FARS2: variants seen among roughly 807,000 people sequenced by gnomAD.
The protein encoded by FARS2 is phenylalanyl-tRNA synthetase 2, mitochondrial.
Under a neutral mutation model 46.4 loss-of-function variants are expected in FARS2, and 40 were observed. The observed-to-expected ratio is 0.86, with a 90% confidence interval of 0.67 to 1.12. The LOEUF (loss-of-function observed/expected upper bound fraction) is 1.12, where lower values mean the gene tolerates loss of function less well. Among genes scored for constraint, FARS2 ranks in the 50% most tolerant of loss-of-function variants. FARS2 has a pLI of 0.00. For synonymous variants in FARS2, 234 were observed against 214.9 expected (o/e 1.09, Z -0.78); for missense variants, 513 against 567.9 (o/e 0.90, Z 0.98).
intron 6 of FARS2, among the ~76,000 whole-genome samples, chr6:5,679,763 T>A (rs935913519): frequency 1.3e-5 from 2 of 152,090 alleles, no homozygotes; most frequent in Non-Finnish European, 2.9e-5. Flanking sequence ...AAAGCTTCTA[T>A]CCTTTCCTGG....
chr6:5,667,239 G>T (rs1048567426), intron 6 of FARS2, among the ~76,000 whole-genome samples: 3 of 152,102 alleles, frequency 2.0e-5, no homozygotes, highest in Non-Finnish European at 4.4e-5. Context: ...ATTAAATTTG[G>T]CTGGGCACAG....
chr6:5,636,322 G>A (rs1030057624), intron 6 of FARS2, among the ~76,000 whole-genome samples: 5 of 152,168 alleles, frequency 3.3e-5, no homozygotes, highest in East Asian at 1.9e-4. Flanking sequence ...GACAGTGTAC[G>A]GTCGCTGTCT....
chr6:5,388,618 T>C (rs1256251583), intron 2 of FARS2, among the ~76,000 whole-genome samples: 2 of 152,144 alleles, frequency 1.3e-5, no homozygotes, highest in Non-Finnish European at 2.9e-5. Flanking sequence ...CTGTTTTTAC[T>C]TCACTCTCAG....
intron 6 of FARS2, among the ~76,000 whole-genome samples, chr6:5,735,791 C>T (rs144885391): frequency 1.8e-4 from 27 of 152,318 alleles, no homozygotes; most frequent in African/African-American, 6.0e-4. Flanking sequence ...CCCAGCCTAT[C>T]GAACACATGC....
intron 4 of FARS2, among the ~76,000 whole-genome samples, chr6:5,448,622 C>T (rs780916510): frequency 2.6e-5 from 4 of 152,038 alleles, no homozygotes; most frequent in Non-Finnish European, 5.9e-5. Context: ...TGTGTGTTTC[C>T]CTCTTTTGCT....
At chr6:5,725,780 A>T (rs1319151753) in intron 6 of FARS2, among the ~76,000 whole-genome samples, 1 of 152,164 alleles carries the variant, frequency 6.6e-6, no homozygotes, top group Non-Finnish European at 1.5e-5. Context: ...TACTAAAAAT[A>T]CAAAAATTAG....
At chr6:5,325,331 A>G (rs1378932308) in intron 1 of FARS2, among the ~76,000 whole-genome samples, 2 of 152,250 alleles carry the variant, frequency 1.3e-5, no homozygotes, top group East Asian at 1.9e-4. Flanking sequence ...AAAGCAATGC[A>G]TCACTAATTT....
intron 4 of FARS2, among the ~76,000 whole-genome samples, chr6:5,448,362 C>T (rs1764292984): frequency 6.6e-6 from 1 of 152,144 alleles, no homozygotes. Flanking sequence ...ACTCTCCCTC[C>T]CACTGCTTTC....
chr6:5,681,869 A>G (rs1478889082), intron 6 of FARS2, among the ~76,000 whole-genome samples: 1 of 152,118 alleles, frequency 6.6e-6, no homozygotes, highest in African/African-American at 2.4e-5. Flanking sequence ...GCTTGAAGTC[A>G]TTCTTTCATC....
At chr6:5,307,727 C>A (rs1165986315) in intron 1 of FARS2, among the ~76,000 whole-genome samples, 1 of 151,862 alleles carries the variant, frequency 6.6e-6, no homozygotes, top group Non-Finnish European at 1.5e-5. Context: ...TACTTGATTT[C>A]CTGTTTTATG....
At chr6:5,564,752 T>A (rs1389515982) in intron 5 of FARS2, among the ~76,000 whole-genome samples, 2 of 152,308 alleles carry the variant, frequency 1.3e-5, no homozygotes, top group Admixed American at 1.3e-4. Flanking sequence ...AGCCCAGCCA[T>A]GGGTTTGTGT....
chr6:5,310,402 T>A (rs2127547018), intron 1 of FARS2, among the ~76,000 whole-genome samples: 1 of 150,586 alleles, frequency 6.6e-6, no homozygotes, highest in Non-Finnish European at 1.5e-5. Flanking sequence ...AAATTTAGGT[T>A]TAAGGAAAAA....
chr6:5,336,610 G>A (rs1192842559), intron 1 of FARS2, among the ~76,000 whole-genome samples: 2 of 152,020 alleles, frequency 1.3e-5, no homozygotes, highest in Non-Finnish European at 1.5e-5. Flanking sequence ...CATGGAGAAT[G>A]GGGTATGCAT....
chr6:5,250,913 T>C, the FARS2 span, among the ~76,000 whole-genome samples: 1 of 152,222 alleles, frequency 6.6e-6, no homozygotes, highest in Non-Finnish European at 1.5e-5. Context: ...TAAAATAGAA[T>C]ACAATGTTAT....
intron 2 of FARS2, among the ~76,000 whole-genome samples, chr6:5,391,250 G>A (rs1760492345): frequency 6.6e-6 from 1 of 152,158 alleles, no homozygotes; most frequent in African/African-American, 2.4e-5. Context: ...GAGATTTTGG[G>A]TTGAATTCAG....
chr6:5,578,152 C>A (rs1333764947), intron 5 of FARS2, among the ~76,000 whole-genome samples: 2 of 152,124 alleles, frequency 1.3e-5, no homozygotes, highest in Admixed American at 1.3e-4. Flanking sequence ...ATAATATTTC[C>A]ATTTCATTTT....
intron 2 of FARS2, among the ~76,000 whole-genome samples, chr6:5,401,720 G>A (rs1761264634): frequency 6.6e-6 from 1 of 152,134 alleles, no homozygotes; most frequent in Non-Finnish European, 1.5e-5. Flanking sequence ...TTTAAGGACA[G>A]CATTGATGGA....
At chr6:5,525,275 T>C (rs1769392500) in intron 4 of FARS2, among the ~76,000 whole-genome samples, 1 of 151,390 alleles carries the variant, frequency 6.6e-6, no homozygotes, top group Non-Finnish European at 1.5e-5. Context: ...AGTGACTTAT[T>C]GTTATGGTTA....
At chr6:5,692,083 T>C (rs1212681733) in intron 6 of FARS2, among the ~76,000 whole-genome samples, 8 of 152,216 alleles carry the variant, frequency 5.3e-5, no homozygotes, top group Non-Finnish European at 1.2e-4. Context: ...AGGTGCCATC[T>C]GTCACCCCTT....
Sources: gnomAD v4.1 joint callset for allele counts (sites outside exome capture counted in the v4.1 genomes callset) on GRCh38, gnomAD v4.1.1 for gene constraint, MANE v1.5 for transcripts, NCBI Gene and HGNC (gene_info 2026-07-23, HGNC 2026-07-21) for gene names.